The following POU6F2 variants were observed in gnomAD, a reference collection of about 807,000 sequenced individuals.
POU6F2 encodes POU class 6 homeobox 2, also known as POU domain, class 6, transcription factor 2.
Under a neutral mutation model 71.3 loss-of-function variants are expected in POU6F2, and 31 were observed. The ratio of observed to expected loss-of-function variants is 0.43; its 90% CI spans 0.33 to 0.59. The LOEUF (loss-of-function observed/expected upper bound fraction) is 0.59, where lower values mean the gene tolerates loss of function less well. Among genes scored for constraint, POU6F2 ranks in the 20% least tolerant of loss-of-function variants. POU6F2 has a pLI of 0.04. For synonymous variants in POU6F2, 347 were observed against 355.7 expected (o/e 0.98, Z 0.27); for missense variants, 783 against 856.8 (o/e 0.91, Z 1.07).
intron 4 of POU6F2, among the ~76,000 whole-genome samples, chr7:39,250,913 T>C (rs1377926380): frequency 6.6e-6 from 1 of 152,244 alleles, no homozygotes; most frequent in Non-Finnish European, 1.5e-5. Flanking sequence ...CATGAATAAC[T>C]GCAAATGCGT....
intron 4 of POU6F2, among the ~76,000 whole-genome samples, chr7:39,220,050 T>C (rs1794317810): frequency 6.6e-6 from 1 of 152,224 alleles, no homozygotes; most frequent in Non-Finnish European, 1.5e-5. Flanking sequence ...ATTGATTTGT[T>C]TTGACAGCAG....
At chr7:39,134,657 C>A (rs1792354007) in intron 2 of POU6F2, among the ~76,000 whole-genome samples, 1 of 152,186 alleles carries the variant, frequency 6.6e-6, no homozygotes, top group Non-Finnish European at 1.5e-5. Context: ...CTTTGGAAGG[C>A]ACTAGTCATT....
chr7:39,436,169 G>C (rs1788237526), intron 7 of POU6F2, among the ~76,000 whole-genome samples: 1 of 152,172 alleles, frequency 6.6e-6, no homozygotes, highest in Non-Finnish European at 1.5e-5. Context: ...GAATGTCAGT[G>C]GTAGTTTGAT....
At position 39,389,561 on chromosome 7, in the gene POU6F2, G is replaced by A. The variant is rs528380213; in HGVS notation, c.973-17039G>A. 2.6e-4 allele frequency among the ~76,000 whole-genome samples: 40 copies of A among 152,150 alleles called. 1 individual carries two copies. In the South Asian group the frequency reaches 8.3e-3, roughly 32 times the overall value. ...TCAATCTCTCCACCAATATTTCTAA[G>A]GTTAAAAAAGAAGCTGTGGTTACAG... On this transcript the variant is annotated intron_variant, in intron 5 of 9. Transcript: ENST00000518318.
In POU6F2 at chr7:39,170,140, C is replaced by G. The variant is rs192342853; in HGVS notation, c.278-34095C>G. On this transcript the variant is annotated intron_variant, in intron 2 of 9. Coordinates refer to ENST00000518318, the MANE Select transcript of POU6F2 (RefSeq NM_001370959.1). ...TCGAGACCTTGCCACTGCACTCCAG[C>G]CTGGGCAACAGAGCGAGATTCTGTC... 5.2e-3 allele frequency among the ~76,000 whole-genome samples: 795 copies of G among 152,158 alleles called. 5 individuals carry two copies. The highest frequency in any genetic ancestry group is 7.6e-3 in the Non-Finnish European group (515 of 67,992).
At chr7:39,451,225 A>T (rs1024347794) in intron 7 of POU6F2, among the ~76,000 whole-genome samples, 12 of 152,176 alleles carry the variant, frequency 7.9e-5, no homozygotes, top group African/African-American at 2.9e-4. Flanking sequence ...AACTGTATGA[A>T]TAGACAGAAA....
intron 9 of POU6F2, among the ~76,000 whole-genome samples, chr7:39,462,660 G>T (rs1459729482): frequency 2.0e-5 from 3 of 152,190 alleles, no homozygotes; most frequent in African/African-American, 7.2e-5. Context: ...GCACAACAAT[G>T]AGAGCTTTTG....
rs70977447 is a variant in POU6F2, at chr7:39,017,813, CGTGT to C, written c.105+39781_105+39784del. Among the ~76,000 whole-genome samples the C allele has an allele frequency of 1.6e-3, 238 of 148,026 alleles. 2 individuals carry two copies. The highest frequency in any genetic ancestry group is 0.012 in the South Asian group (56 of 4,550). The stretch of plus-strand genomic sequence containing the variant: ...TAAGCTCATTCCCAGATTGTGCATG[CGTGT>C]GTGTGTGTGTGTGTGTGTGTGTGTG... On this transcript the variant is annotated intron_variant, in intron 1 of 9. Coordinates refer to ENST00000518318, the MANE Select transcript of POU6F2 (RefSeq NM_001370959.1).
chr7:39,148,266 A>G (rs2128733430), intron 2 of POU6F2, among the ~76,000 whole-genome samples: 1 of 152,326 alleles, frequency 6.6e-6, no homozygotes, highest in East Asian at 1.9e-4. Context: ...GGATTTGACC[A>G]GGGGCCAAAC....
intron 1 of POU6F2, among the ~76,000 whole-genome samples, chr7:39,010,715 T>C (rs1263442127): frequency 2.8e-5 from 4 of 142,096 alleles, no homozygotes; most frequent in Middle Eastern, 3.5e-3. Flanking sequence ...GAGATTCTGG[T>C]ATGTTGTGTC....
chr7:39,086,218 T>C (rs974742726), intron 2 of POU6F2, among the ~76,000 whole-genome samples, 187 bp downstream of exon 2: 15 of 152,022 alleles, frequency 9.9e-5, no homozygotes, highest in African/African-American at 3.1e-4. Context: ...CTCCAAACTT[T>C]TACCAACAAG....
intron 2 of POU6F2, among the ~76,000 whole-genome samples, chr7:39,090,452 T>A (rs964952977): frequency 2.0e-5 from 3 of 151,966 alleles, no homozygotes; most frequent in East Asian, 1.9e-4. Flanking sequence ...CACTTGGGGG[T>A]GAGGCTGCCT....
At chr7:39,263,659 TCACGCACACA>T (rs768981367) in intron 4 of POU6F2, among the ~76,000 whole-genome samples, 3 of 99,236 alleles carry the variant, frequency 3.0e-5, no homozygotes, top group African/African-American at 7.2e-5. Flanking sequence ...GCATGCGTGT[TCACGCACACA>T]CACGCACACA....
chr7:39,441,839 A>G (rs996905284), intron 7 of POU6F2, among the ~76,000 whole-genome samples: 1 of 152,196 alleles, frequency 6.6e-6, no homozygotes, highest in African/African-American at 2.4e-5. Flanking sequence ...AACAAAAGAA[A>G]GGTGGTGGAC....
At chr7:39,272,879 A>G in intron 4 of POU6F2, among the ~76,000 whole-genome samples, 1 of 152,236 alleles carries the variant, frequency 6.6e-6, no homozygotes. Context: ...ACTCAACTCT[A>G]GTCAAACAAT....
Position 39,339,790 on chromosome 7 carries a change from G to A in POU6F2, c.747G>A (p.Leu249=), listed in dbSNP as rs1459496333. 1 of 1,573,240 alleles carries A rather than the reference G, an allele frequency of 6.4e-7. No individual in the cohort carries two copies. The highest frequency in any genetic ancestry group is 8.6e-7 in the Non-Finnish European group (1 of 1,160,114). The stretch of plus-strand genomic sequence containing the variant: ...CCTCGCAGTCCCAGCAGCAGCCGCT[G>A]CAGCCCACCCCACCCCAGCAGCCAC... The part of the protein sequence containing the change: ...QAPSQSQQQP[L]QPTPPQQPPP... The change falls in exon 5 of 10, where the codon CTG becomes CTA. Residue 249 remains leucine (L), a synonymous_variant. Transcript: ENST00000518318.
At chr7:39,347,233 G>C (rs1199045258) in intron 5 of POU6F2, among the ~76,000 whole-genome samples, 1 of 152,158 alleles carries the variant, frequency 6.6e-6, no homozygotes, top group Non-Finnish European at 1.5e-5. Flanking sequence ...ATTATAACCT[G>C]TTGGGGAATA....
intron 1 of POU6F2, among the ~76,000 whole-genome samples, chr7:39,045,167 A>G (rs1481088326): frequency 1.3e-5 from 2 of 151,930 alleles, no homozygotes; most frequent in Non-Finnish European, 1.5e-5. Context: ...ATCAGTTTCC[A>G]TTCCTCAGAG....
chr7:39,180,896 C>G (rs1024445901), intron 2 of POU6F2, among the ~76,000 whole-genome samples: 1 of 152,074 alleles, frequency 6.6e-6, no homozygotes, highest in African/African-American at 2.4e-5. Context: ...ACCCATGGTT[C>G]TCATTGACTA....
Sources: allele counts gnomAD v4.1 joint callset (sites outside exome capture counted in the v4.1 genomes callset), GRCh38; gene constraint gnomAD v4.1.1; transcripts MANE v1.5; gene names NCBI Gene and HGNC (gene_info 2026-07-23, HGNC 2026-07-21).